Variants in ATP6V1C2 observed in about 807,000 individuals in gnomAD.
The protein encoded by ATP6V1C2 is V-type proton ATPase subunit C 2.
In ATP6V1C2, 45 loss-of-function variants were observed where a neutral mutation model predicts 56.8. The ratio of observed to expected loss-of-function variants is 0.79; its 90% CI spans 0.62 to 1.02. ATP6V1C2 has a LOEUF of 1.02. Ranked by LOEUF, ATP6V1C2 falls within the 50% of genes least tolerant of loss-of-function variation. The pLI is 0.00. For synonymous variants in ATP6V1C2, 220 were observed against 201.3 expected (o/e 1.09, Z -0.79); for missense variants, 463 against 519.7 (o/e 0.89, Z 1.06).
At chr2:10,761,225 G>A (rs1644052422) in intron 4 of ATP6V1C2, among the ~76,000 whole-genome samples, 1 of 152,120 alleles carries the variant, frequency 6.6e-6, no homozygotes, top group African/African-American at 2.4e-5. Flanking sequence ...GTAGGAGGTG[G>A]AGGGAAGAGA....
At chr2:10,761,959 A>G (rs1663936344) in intron 4 of ATP6V1C2, among the ~76,000 whole-genome samples, 1 of 152,240 alleles carries the variant, frequency 6.6e-6, no homozygotes. Flanking sequence ...ACCTGCAGCA[A>G]GGCTGTGTCC....
chr2:10,738,541 A>G (rs146358281), intron 3 of ATP6V1C2, among the ~76,000 whole-genome samples: 33 of 152,316 alleles, frequency 2.2e-4, no homozygotes, highest in Non-Finnish European at 2.1e-4. Context: ...TCAGGGACCC[A>G]CGGCTCCATT....
intron 2 of ATP6V1C2, among the ~76,000 whole-genome samples, chr2:10,725,489 A>ATTTTTTGTT (rs1661589185): frequency 9.3e-6 from 1 of 107,158 alleles, no homozygotes; most frequent in African/African-American, 3.7e-5. Flanking sequence ...CCCAGCAAGA[A>ATTTTTTGTT]TTTTTTTTTT....
chr2:10,764,775 G>C (rs954723911), intron 5 of ATP6V1C2, among the ~76,000 whole-genome samples: 1 of 152,238 alleles, frequency 6.6e-6, no homozygotes, highest in East Asian at 1.9e-4. Context: ...TTCGAGACCA[G>C]TCTGTCCAAT....
At chr2:10,736,883 A>C (rs1480735325) in intron 3 of ATP6V1C2, among the ~76,000 whole-genome samples, 3 of 141,872 alleles carry the variant, frequency 2.1e-5, no homozygotes, top group Admixed American at 7.4e-5. Flanking sequence ...AGTAGCTGGG[A>C]TTACAGGTGA....
In ATP6V1C2 at chr2:10,754,605, G is replaced by A. The variant is rs556476078; in HGVS notation, c.283+539G>A. ...TTCTTTTTTTTTGAGATGGAGTCTC[G>A]CTTGTCACCCAGGATGGAATGCAGT... On this transcript the variant is annotated intron_variant, in intron 4 of 13. Coordinates refer to ENST00000272238, the MANE Select transcript of ATP6V1C2 (RefSeq NM_001039362.2). 2.8e-4 allele frequency among the ~76,000 whole-genome samples: 40 copies of A among 145,354 alleles called. 1 individual carries two copies. The highest frequency in any genetic ancestry group is 2.6e-3 in the South Asian group (12 of 4,608).
At chr2:10,753,658 A>G (rs1040749677) in intron 3 of ATP6V1C2, among the ~76,000 whole-genome samples, 5 of 151,690 alleles carry the variant, frequency 3.3e-5, no homozygotes, top group Non-Finnish European at 7.4e-5. Flanking sequence ...CGGCCTCCCA[A>G]GTAGCTGGGA....
chr2:10,750,856 G>A (rs1203500769), intron 3 of ATP6V1C2, among the ~76,000 whole-genome samples: 2 of 152,200 alleles, frequency 1.3e-5, no homozygotes, highest in Non-Finnish European at 2.9e-5. Flanking sequence ...AAAGAGCAGG[G>A]ACTTTGTTTT....
At position 10,776,266 on chromosome 2, in the gene ATP6V1C2, CGTGTGT is replaced by C. The variant is rs60750436; in HGVS notation, c.825+1205_825+1210del. 1.3e-4 allele frequency among the ~76,000 whole-genome samples: 20 copies of C among 151,138 alleles called. No individual in the cohort carries two copies. In the South Asian group the frequency reaches 2.7e-3, roughly 21 times the overall value. On this transcript the variant is annotated intron_variant, in intron 10 of 13. Transcript: ENST00000272238. ...CGAAATAGCACAGGGCGCTCACACA[CGTGTGT>C]GTGTGTGTGCGCGCGCACGTGCATG...
At chr2:10,746,291 A>T (rs1662908713) in intron 3 of ATP6V1C2, among the ~76,000 whole-genome samples, 1 of 152,012 alleles carries the variant, frequency 6.6e-6, no homozygotes, top group African/African-American at 2.4e-5. Flanking sequence ...TGAGCCACTG[A>T]GCCCAGCCTT....
At chr2:10,778,348 G>A (rs866683114) in intron 11 of ATP6V1C2, 11 of 559,708 alleles carry the variant, frequency 2.0e-5, no homozygotes, top group Non-Finnish European at 3.2e-5. Context: ...TGGTGGCCCC[G>A]TGCATGCACC....
intron 11 of ATP6V1C2, among the ~76,000 whole-genome samples, chr2:10,777,997 GGGT>G (rs962201892): frequency 1.2e-4 from 19 of 152,170 alleles, no homozygotes; most frequent in African/African-American, 4.6e-4. Context: ...GCCCTGGCTG[GGGT>G]GGTGGTTGGC....
At chr2:10,749,869 A>G (rs934644240) in intron 3 of ATP6V1C2, among the ~76,000 whole-genome samples, 2 of 152,216 alleles carry the variant, frequency 1.3e-5, no homozygotes, top group Non-Finnish European at 2.9e-5. Context: ...CAAATGTCCA[A>G]TAGTAGAGAA....
At chr2:10,748,090 G>A (rs1226223873) in intron 3 of ATP6V1C2, among the ~76,000 whole-genome samples, 1 of 152,108 alleles carries the variant, frequency 6.6e-6, no homozygotes, top group African/African-American at 2.4e-5. Context: ...TAGAGATGGG[G>A]TTTAGCCATG....
rs148358060 is a variant in ATP6V1C2 at position 10,782,581 on chromosome 2, C to T, written c.1194+206C>T. On this transcript the variant is annotated intron_variant, in intron 13 of 13. Transcript: ENST00000272238. The stretch of plus-strand genomic sequence containing the variant: ...GGCATAGTGGCTCACGCCTGTAATC[C>T]CAGCACTTCAGGAGGCCAAGGCGGG... Among the ~76,000 whole-genome samples the T allele has an allele frequency of 3.7e-3, 567 of 152,022 alleles. 5 individuals carry two copies. The highest frequency in any genetic ancestry group is 0.013 in the African/African-American group (548 of 41,480).
At chr2:10,726,672 A>G in intron 3 of ATP6V1C2, 103 bp downstream of exon 3, 1 of 1,091,308 alleles carries the variant, frequency 9.2e-7, no homozygotes, top group Non-Finnish European at 1.4e-6. Context: ...ACTTGTCTAG[A>G]CCTGGTTCCA....
chr2:10,750,462 G>A (rs980619012), intron 3 of ATP6V1C2, among the ~76,000 whole-genome samples: 1 of 151,832 alleles, frequency 6.6e-6, no homozygotes, highest in African/African-American at 2.4e-5. Context: ...GTTGCAGTAA[G>A]CCGAGATAGC....
chr2:10,781,455 G>A (rs1211554274), intron 12 of ATP6V1C2, among the ~76,000 whole-genome samples: 8 of 152,052 alleles, frequency 5.3e-5, no homozygotes, highest in South Asian at 2.1e-4. Context: ...TCCAGCCTGC[G>A]TGACAGAGCG....
intron 3 of ATP6V1C2, among the ~76,000 whole-genome samples, chr2:10,742,355 C>T (rs976730031): frequency 1.3e-5 from 2 of 152,168 alleles, no homozygotes; most frequent in African/African-American, 4.8e-5. Flanking sequence ...TACTCCTCAG[C>T]GGGAGAGCTG....
Sources: allele counts gnomAD v4.1 joint callset (sites outside exome capture counted in the v4.1 genomes callset), GRCh38; gene constraint gnomAD v4.1.1; transcripts MANE v1.5; gene names NCBI Gene and HGNC (gene_info 2026-07-23, HGNC 2026-07-21).